Variants in SEMA5B observed in about 807,000 individuals in gnomAD.
SEMA5B encodes the protein semaphorin 5B.
A neutral mutation model predicts 135.0 loss-of-function variants in SEMA5B; 66 were observed. That is an observed-to-expected ratio of 0.49 (90% CI 0.40 to 0.60). The LOEUF (loss-of-function observed/expected upper bound fraction) is 0.60, where lower values mean the gene tolerates loss of function less well. Among genes scored for constraint, SEMA5B ranks in the 20% least tolerant of loss-of-function variants. SEMA5B has a pLI of 0.00. For synonymous variants in SEMA5B, 690 were observed against 639.5 expected, an observed-to-expected ratio of 1.08 and a Z score of -1.19; for missense variants, 1,501 against 1,566.3, an observed-to-expected ratio of 0.96 and a Z score of 0.70.
intron 1 of SEMA5B, among the ~76,000 whole-genome samples, chr3:123,000,435 G>A (rs889561463): frequency 6.6e-6 from 1 of 152,124 alleles, no homozygotes; most frequent in African/African-American, 2.4e-5. Context: ...CAAAGGGGTG[G>A]CCTTGGAGGT....
In SEMA5B at chr3:122,948,646, C is replaced by A. The variant is rs370869770; in HGVS notation, c.188G>T (p.Gly63Val). Residue 63 changes from glycine to valine, a missense_variant, in exon 3 of 23, where the codon GGC becomes GTC. Transcript: ENST00000357599. ...CAGCAACAGCGAGACAGCCAGGGGG[C>A]CTGCAAGCACCATGATAGGCCCCTC... ...TAEGPIMVLA[G>V]PLAVSLLLPS... The A allele has an allele frequency of 1.2e-6, 2 of 1,613,530 alleles. No homozygotes were observed. Among genetic ancestry groups the A allele is most frequent in the African/African-American group, 1.3e-5 (1 of 74,900 alleles).
Position 122,912,053 on chromosome 3 carries a change from C to A in SEMA5B, c.2913G>T (p.Trp971Cys). The change falls in exon 20 of 23, where the codon TGG (tryptophan) becomes TGT (cysteine). Residue 971 changes from tryptophan to cysteine, a missense_variant. Coordinates refer to ENST00000357599, the MANE Select transcript of SEMA5B (RefSeq NM_001031702.4). Reference sequence around the variant, plus strand: ...CGTCAGTGCACTTACTCCACTCAGACCAGGGCGACCAGCCTTCTGGGGATT... The same window carrying A: ...CGTCAGTGCACTTACTCCACTCAGAACAGGGCGACCAGCCTTCTGGGGATT... ...TQACPEGWSP[W>C]SEWSKCTDDG... 1 of 1,612,544 alleles carries A rather than the reference C, an allele frequency of 6.2e-7. No individual in the cohort carries two copies. Among genetic ancestry groups the A allele is most frequent in the Non-Finnish European group, 8.5e-7 (1 of 1,178,884 alleles).
chr3:123,014,684 A>C (rs1942513868), intron 1 of SEMA5B, among the ~76,000 whole-genome samples: 1 of 152,234 alleles, frequency 6.6e-6, no homozygotes, highest in Admixed American at 6.5e-5. Flanking sequence ...GCAATAGCAC[A>C]TACGTTGGCT....
chr3:123,008,277 T>C (rs1942357325), intron 1 of SEMA5B, among the ~76,000 whole-genome samples: 1 of 152,248 alleles, frequency 6.6e-6, no homozygotes, highest in Non-Finnish European at 1.5e-5. Flanking sequence ...TAATCAATAA[T>C]AAACTGAGAA....
At chr3:122,946,217 G>A (rs1347200647) in intron 3 of SEMA5B, among the ~76,000 whole-genome samples, 1 of 152,156 alleles carries the variant, frequency 6.6e-6, no homozygotes, top group African/African-American at 2.4e-5. Context: ...GCCTGGAAAG[G>A]TAACACTGGC....
chr3:122,936,925 T>C (rs1270730731), intron 5 of SEMA5B, among the ~76,000 whole-genome samples: 1 of 152,268 alleles, frequency 6.6e-6, no homozygotes, highest in Non-Finnish European at 1.5e-5. Context: ...TAATAGGGGT[T>C]AGGTACTTGG....
At chr3:123,021,389 A>G (rs1942670624) in intron 1 of SEMA5B, among the ~76,000 whole-genome samples, 1 of 152,190 alleles carries the variant, frequency 6.6e-6, no homozygotes, top group Non-Finnish European at 1.5e-5. Context: ...GCTGCTAGAA[A>G]CAAAAGTTTG....
At position 122,912,012 on chromosome 3, in the gene SEMA5B, C is replaced by G; in HGVS notation, c.2954G>C (p.Arg985Pro). 1 of 1,613,754 alleles carries G rather than the reference C, an allele frequency of 6.2e-7. No individual in the cohort carries two copies. The highest frequency in any genetic ancestry group is 2.2e-5 in the East Asian group (1 of 44,842). Residue 985 changes from arginine to proline, a missense_variant, in exon 20 of 23, where the codon CGA becomes CCA. Physicochemically the swap from Arg to Pro is moderately radical, Grantham distance 103. Coordinates refer to ENST00000357599, the MANE Select transcript of SEMA5B (RefSeq NM_001031702.4). Reference protein sequence around the residue: ...SKCTDDGAQSRSRHCEELLPG... With the variant: ...SKCTDDGAQSPSRHCEELLPG... Reference sequence around the variant, plus strand: ...GAGGAGCTCCTCACAGTGCCGGCTTCGGCTCTGGGCTCCGTCGTCAGTGCA... The same window carrying G: ...GAGGAGCTCCTCACAGTGCCGGCTTGGGCTCTGGGCTCCGTCGTCAGTGCA...
At position 122,910,170 on chromosome 3, in the gene SEMA5B, A is replaced by G. The variant is rs749775775; in HGVS notation, c.3429T>C (p.Pro1143=). Residue 1143 remains proline, a synonymous_variant, in exon 23 of 23, where the codon CCT becomes CCC. Transcript: ENST00000357599. The part of the protein sequence containing the change: ...NKHSFRPEAS[P]GQRCFPNS ...AGCTGTTGGGGAAGCACCGTTGTCCAGGTGAGGCCTCGGGCCGGAAGCTGT... is the reference window on the plus strand; with the variant it reads ...AGCTGTTGGGGAAGCACCGTTGTCCGGGTGAGGCCTCGGGCCGGAAGCTGT... The G allele has an allele frequency of 2.4e-5, 38 of 1,614,082 alleles. No homozygotes were observed. In the South Asian group the frequency reaches 4.1e-4, roughly 17 times the overall value.
intron 1 of SEMA5B, among the ~76,000 whole-genome samples, chr3:123,008,079 T>C (rs1942353085): frequency 6.6e-6 from 1 of 152,254 alleles, no homozygotes; most frequent in Admixed American, 6.5e-5. Context: ...GGGGTTTGCA[T>C]GATCGGCAAA....
chr3:122,993,622 G>A lies in SEMA5B; in HGVS notation c.-38-32321C>T, dbSNP rs551579154. On this transcript the variant is annotated intron_variant, in intron 1 of 22. Coordinates refer to ENST00000357599, the MANE Select transcript of SEMA5B (RefSeq NM_001031702.4). Reference sequence around the variant, plus strand: ...TGTGCATCTTCCCAGAGTATCTATCGGTCCCTCTCTAATTTCATGCAATCC... The same window carrying A: ...TGTGCATCTTCCCAGAGTATCTATCAGTCCCTCTCTAATTTCATGCAATCC... Among the ~76,000 whole-genome samples the A allele has an allele frequency of 3.3e-5, 5 of 152,170 alleles. No individual in the cohort carries two copies. The South Asian group carries it at 1.0e-3, about 32-fold the overall frequency.
rs542532805 is a variant in SEMA5B at position 122,953,912 on chromosome 3, T to C, written c.125-5203A>G. 4.6e-5 allele frequency among the ~76,000 whole-genome samples: 7 copies of C among 152,314 alleles called. No individual in the cohort carries two copies. The South Asian group carries it at 1.4e-3, about 32-fold the overall frequency. On this transcript the variant is annotated intron_variant, in intron 2 of 22. Coordinates refer to ENST00000357599, the MANE Select transcript of SEMA5B (RefSeq NM_001031702.4). ...GGTCCCCATCCCAGCCATAGCTGCT[T>C]ATACCAGGATGGTCATGTGATCAAA...
At chr3:123,024,601 C>G (rs1490605575) in intron 1 of SEMA5B, among the ~76,000 whole-genome samples, 1 of 152,056 alleles carries the variant, frequency 6.6e-6, no homozygotes. Flanking sequence ...AAGATGGCTC[C>G]CTCAAGGAAC....
At chr3:122,976,728 C>T (rs1420048071) in intron 1 of SEMA5B, among the ~76,000 whole-genome samples, 1 of 152,148 alleles carries the variant, frequency 6.6e-6, no homozygotes, top group Non-Finnish European at 1.5e-5. Flanking sequence ...ACATCATATA[C>T]ATCACACAAA....
At chr3:122,931,214 T>A (rs918459650) in intron 5 of SEMA5B, among the ~76,000 whole-genome samples, 3 of 152,198 alleles carry the variant, frequency 2.0e-5, no homozygotes, top group African/African-American at 7.2e-5. Context: ...CTCTGTTTTT[T>A]AAAATCGATT....
At chr3:122,979,064 G>C (rs1036073002) in intron 1 of SEMA5B, among the ~76,000 whole-genome samples, 9 of 152,198 alleles carry the variant, frequency 5.9e-5, no homozygotes, top group Non-Finnish European at 1.2e-4. Context: ...GTCTTGAAAA[G>C]AAGGGACAAA....
chr3:122,932,911 G>A (rs1486189813), intron 5 of SEMA5B, among the ~76,000 whole-genome samples: 1 of 152,024 alleles, frequency 6.6e-6, no homozygotes, highest in African/African-American at 2.4e-5. Context: ...GTACACACAG[G>A]GTCTTGCTGT....
At chr3:122,985,248 T>C (rs1202303494) in intron 1 of SEMA5B, among the ~76,000 whole-genome samples, 1 of 152,166 alleles carries the variant, frequency 6.6e-6, no homozygotes, top group East Asian at 1.9e-4. Context: ...ATCCCAGCAC[T>C]TTGAGAGGCC....
chr3:122,938,693 T>G (rs569952471), intron 5 of SEMA5B, among the ~76,000 whole-genome samples: 1 of 152,328 alleles, frequency 6.6e-6, no homozygotes, highest in African/African-American at 2.4e-5. Flanking sequence ...GCTTAATCAT[T>G]GGGAGACTAG....
Sources: allele counts gnomAD v4.1 joint callset (sites outside exome capture counted in the v4.1 genomes callset), GRCh38; gene constraint gnomAD v4.1.1; transcripts MANE v1.5; gene names NCBI Gene and HGNC (gene_info 2026-07-23, HGNC 2026-07-21).